The following ZNF516 variants were observed in gnomAD, a reference collection of about 807,000 sequenced individuals.
ZNF516 encodes zinc finger protein 516.
A neutral mutation model predicts 79.7 loss-of-function variants in ZNF516; 19 were observed. That is an observed-to-expected ratio of 0.24 (90% confidence interval 0.17 to 0.35). ZNF516 has a LOEUF of 0.35. Ranked by LOEUF, ZNF516 falls within the 10% of genes least tolerant of loss-of-function variation. The probability of loss-of-function intolerance (pLI) is 1.00; values close to 1 mark genes in which losing one functional copy is unlikely to be tolerated. For missense variants in ZNF516, 1,678 were observed against 1,679.5 expected (o/e 1.00, Z 0.02); for synonymous variants, 877 against 739.5 (o/e 1.19, Z -3.02).
chr18:76,490,339 T>C (rs1326443708), intron 1 of ZNF516: 1 of 242,812 alleles, frequency 4.1e-6, no homozygotes, highest in Admixed American at 6.5e-5. Flanking sequence ...ATGTGGCATA[T>C]TTAATTCTGG....
rs372129463 is a variant in ZNF516, at chr18:76,482,109, A to C, written c.-272+13035T>G. Among the ~76,000 whole-genome samples, 129 of 152,272 alleles carry C rather than the reference A, an allele frequency of 8.5e-4. No homozygotes were observed. In the South Asian group the frequency reaches 0.025, roughly 30 times the overall value. On this transcript the variant is annotated intron_variant, in intron 1 of 6. Transcript: ENST00000443185. The stretch of plus-strand genomic sequence containing the variant: ...TTGACTTTAGCGCTAATGCTAAAAG[A>C]AGCTTTTCCTTCATGGGAGAACTGA...
chr18:76,374,897 C>T (rs1039176902), intron 4 of ZNF516, among the ~76,000 whole-genome samples: 2 of 152,020 alleles, frequency 1.3e-5, no homozygotes, highest in East Asian at 1.9e-4. Context: ...TAATAAGACA[C>T]GTCAAAAAGA....
intron 3 of ZNF516, among the ~76,000 whole-genome samples, chr18:76,415,445 C>A (rs1380543107): frequency 6.6e-6 from 1 of 152,178 alleles, no homozygotes; most frequent in Admixed American, 6.5e-5. Context: ...TAAGTGCACG[C>A]CTCTGAGCCA....
At chr18:76,435,783 C>T (rs111695633) in intron 3 of ZNF516, among the ~76,000 whole-genome samples, 2,481 of 152,330 alleles carry the variant, frequency 0.016, 29 homozygotes, top group Middle Eastern at 0.041. Context: ...CAGGGCACAC[C>T]GTGCCAGCTC....
intron 2 of ZNF516, among the ~76,000 whole-genome samples, chr18:76,452,809 A>C (rs1218780250): frequency 1.3e-5 from 2 of 152,194 alleles, no homozygotes; most frequent in Non-Finnish European, 2.9e-5. Context: ...TGAATACACA[A>C]TCTAATTATG....
chr18:76,433,191 C>CTAGA (rs2075684761), intron 3 of ZNF516, among the ~76,000 whole-genome samples: 1 of 152,196 alleles, frequency 6.6e-6, no homozygotes, highest in Admixed American at 6.5e-5. Context: ...TCTCTAGAGT[C>CTAGA]TAGACATCCA....
intron 3 of ZNF516, among the ~76,000 whole-genome samples, chr18:76,431,573 G>C (rs571343195): frequency 6.6e-6 from 1 of 152,174 alleles, no homozygotes; most frequent in Non-Finnish European, 1.5e-5. Context: ...CCCGAGGGGC[G>C]GTGTCTGGGC....
rs547911328 is a variant in ZNF516 at position 76,488,436 on chromosome 18, C to T, written c.-272+6708G>A. Reference sequence around the variant, plus strand: ...TCAGAGCGGCACACGTCCAGCTCCCCGAGCAGTGAACAAACCCACGGGTAT... The same window carrying T: ...TCAGAGCGGCACACGTCCAGCTCCCTGAGCAGTGAACAAACCCACGGGTAT... On this transcript the variant is annotated intron_variant, in intron 1 of 6. Coordinates refer to ENST00000443185, the MANE Select transcript of ZNF516 (RefSeq NM_014643.4). 6.7e-5 allele frequency among the ~76,000 whole-genome samples: 10 copies of T among 148,602 alleles called. No homozygotes were observed. In the South Asian group the frequency reaches 1.3e-3, roughly 19 times the overall value.
chr18:76,481,445 T>C (rs1331634443), intron 1 of ZNF516, among the ~76,000 whole-genome samples: 5 of 152,168 alleles, frequency 3.3e-5, no homozygotes, highest in Non-Finnish European at 5.9e-5. Context: ...TCTCTAAAGC[T>C]ACATAATCCC....
chr18:76,423,004 T>A (rs2075527429), intron 3 of ZNF516, among the ~76,000 whole-genome samples: 2 of 152,170 alleles, frequency 1.3e-5, no homozygotes, highest in Non-Finnish European at 2.9e-5. Context: ...TTAATGCGTC[T>A]GGCCACCTGG....
chr18:76,377,715 A>ATTTTTTTTTTTTT (rs1213742643), intron 4 of ZNF516, among the ~76,000 whole-genome samples: 4 of 133,636 alleles, frequency 3.0e-5, no homozygotes, highest in Admixed American at 7.7e-5. Context: ...TTACAACGTT[A>ATTTTTTTTTTTTT]TTTTTTTTTT....
At chr18:76,461,265 C>T (rs906758848) in intron 2 of ZNF516, among the ~76,000 whole-genome samples, 2 of 152,210 alleles carry the variant, frequency 1.3e-5, no homozygotes, top group Admixed American at 6.5e-5. Flanking sequence ...CTGGACACTC[C>T]GTCATCACTG....
intron 6 of ZNF516, among the ~76,000 whole-genome samples, chr18:76,370,164 T>C (rs1004751695): frequency 6.6e-6 from 1 of 152,192 alleles, no homozygotes; most frequent in Admixed American, 6.5e-5. Context: ...ACAAAAATAA[T>C]GTTCTTCAAG....
chr18:76,441,430 C>G lies in ZNF516; in HGVS notation c.1625G>C (p.Arg542Pro). Residue 542 changes from arginine to proline, a missense_variant, in exon 3 of 7, where the codon CGC becomes CCC. Transcript: ENST00000443185. The stretch of plus-strand genomic sequence containing the variant: ...CCTGTCCCCGTCACTGTCCCTCTCG[C>G]GGCGCGCGCGGCGATGCACGCGTGA... ...LHSRVHRRAR[R>P]ERDSDGDRAA... is the part of the protein sequence containing the mutation. 1 of 1,606,656 alleles carries G rather than the reference C, an allele frequency of 6.2e-7. No homozygotes were observed. The highest frequency in any genetic ancestry group is 8.5e-7 in the Non-Finnish European group (1 of 1,177,790).
chr18:76,424,561 G>A (rs1443848722), intron 3 of ZNF516, among the ~76,000 whole-genome samples: 2 of 130,944 alleles, frequency 1.5e-5, no homozygotes. Flanking sequence ...ACACACGCAG[G>A]TGAAAAGGTT....
chr18:76,458,731 G>A (rs1262063396), intron 2 of ZNF516, among the ~76,000 whole-genome samples: 1 of 142,582 alleles, frequency 7.0e-6, no homozygotes, highest in Non-Finnish European at 1.5e-5. Flanking sequence ...GTGCATGCCT[G>A]TAGGCAATGC....
At chr18:76,385,603 CTTCA>C (rs2074975260) in intron 3 of ZNF516, 1 of 152,274 alleles carries the variant, frequency 6.6e-6, no homozygotes, top group Admixed American at 6.5e-5. Flanking sequence ...GTTTAAAGCA[CTTCA>C]TTCTCAGTGC....
At chr18:76,401,487 T>C (rs374980999) in intron 3 of ZNF516, among the ~76,000 whole-genome samples, 1 of 152,042 alleles carries the variant, frequency 6.6e-6, no homozygotes, top group African/African-American at 2.4e-5. Flanking sequence ...AAGTAAGCTG[T>C]TTTCCATCAA....
chr18:76,417,336 G>A (rs1322482870), intron 3 of ZNF516, among the ~76,000 whole-genome samples: 1 of 152,170 alleles, frequency 6.6e-6, no homozygotes, highest in African/African-American at 2.4e-5. Context: ...TGAAAGCGTG[G>A]AAACCAAAGC....
Sources: gnomAD v4.1 joint callset for allele counts (sites outside exome capture counted in the v4.1 genomes callset) on GRCh38, gnomAD v4.1.1 for gene constraint, MANE v1.5 for transcripts, NCBI Gene and HGNC (gene_info 2026-07-23, HGNC 2026-07-21) for gene names.